HS3ST5: variants seen among roughly 807,000 people sequenced by gnomAD.
The protein encoded by HS3ST5 is heparan sulfate glucosamine 3-O-sulfotransferase 5.
HS3ST5 carries 10 observed loss-of-function variants against 25.4 expected under a neutral mutation model. That is an observed-to-expected ratio of 0.39 (90% CI 0.24 to 0.67). HS3ST5 has a LOEUF of 0.67. HS3ST5 is among the 30% of genes least tolerant of loss of function. The pLI, the probability that HS3ST5 is intolerant of heterozygous loss-of-function variation, is 0.44. For synonymous variants in HS3ST5, 170 were observed against 162.4 expected (o/e 1.05, Z -0.36); for missense variants, 324 against 420.7 (o/e 0.77, Z 2.01).
intron 2 of HS3ST5, among the ~76,000 whole-genome samples, chr6:114,202,497 G>A (rs1781073237): frequency 6.6e-6 from 1 of 152,124 alleles, no homozygotes; most frequent in Non-Finnish European, 1.5e-5. Context: ...AATAGTCAAT[G>A]AATATTTGAA....
intron 3 of HS3ST5, among the ~76,000 whole-genome samples, chr6:114,119,861 T>TAAAGC (rs983257657): frequency 3.3e-5 from 5 of 152,108 alleles, no homozygotes; most frequent in African/African-American, 4.8e-5. Context: ...AAATTTACAG[T>TAAAGC]AAAGCAAGAG....
At chr6:114,081,386 A>G (rs1339694597) in intron 3 of HS3ST5, among the ~76,000 whole-genome samples, 1 of 152,228 alleles carries the variant, frequency 6.6e-6, no homozygotes, top group Admixed American at 6.5e-5. Flanking sequence ...TCTGTGAAGC[A>G]GAATAAAGTG....
chr6:114,285,530 T>C (rs1774300990), intron 1 of HS3ST5, among the ~76,000 whole-genome samples: 2 of 152,054 alleles, frequency 1.3e-5, no homozygotes, highest in African/African-American at 4.8e-5. Flanking sequence ...TGTGTCAACA[T>C]GAATGAACCT....
chr6:114,260,718 G>A (rs1773133738), intron 1 of HS3ST5, among the ~76,000 whole-genome samples: 1 of 152,182 alleles, frequency 6.6e-6, no homozygotes, highest in African/African-American at 2.4e-5. Flanking sequence ...TAAATGCTAG[G>A]TTGACCTGAG....
intron 1 of HS3ST5, among the ~76,000 whole-genome samples, chr6:114,340,218 T>C (rs777282310): frequency 5.3e-5 from 8 of 152,344 alleles, no homozygotes; most frequent in Non-Finnish European, 1.0e-4. Context: ...AATTTAAGCA[T>C]GAGCTCTGGC....
chr6:114,288,500 G>GA (rs1343419746), intron 1 of HS3ST5, among the ~76,000 whole-genome samples: 1 of 151,980 alleles, frequency 6.6e-6, no homozygotes, highest in African/African-American at 2.4e-5. Context: ...TTTTTCTAAT[G>GA]AAAAAGGACA....
chr6:114,263,880 G>T (rs114629140), intron 1 of HS3ST5, among the ~76,000 whole-genome samples: 244 of 152,048 alleles, frequency 1.6e-3, no homozygotes, highest in African/African-American at 5.7e-3. Flanking sequence ...CATTTGCAAG[G>T]AGATAGTTTT....
intron 1 of HS3ST5, among the ~76,000 whole-genome samples, chr6:114,250,843 C>T (rs1772627297): frequency 6.6e-6 from 1 of 152,146 alleles, no homozygotes; most frequent in African/African-American, 2.4e-5. Context: ...TAGTCACTTG[C>T]TTATTAAAAA....
chr6:114,074,667 C>T (rs1187431071), intron 3 of HS3ST5, among the ~76,000 whole-genome samples: 1 of 152,048 alleles, frequency 6.6e-6, no homozygotes, highest in Non-Finnish European at 1.5e-5. Context: ...TTGCTTCTCC[C>T]TATACCCTGC....
chr6:114,235,072 G>A (rs1217694738), intron 1 of HS3ST5, among the ~76,000 whole-genome samples: 1 of 152,074 alleles, frequency 6.6e-6, no homozygotes, highest in Non-Finnish European at 1.5e-5. Flanking sequence ...GCAGTGAGCT[G>A]AGACTGTGCC....
intron 2 of HS3ST5, among the ~76,000 whole-genome samples, chr6:114,212,218 G>C (rs1781538364): frequency 1.3e-5 from 2 of 152,214 alleles, no homozygotes; most frequent in African/African-American, 4.8e-5. Context: ...GATACACAGA[G>C]CTTTCTTCAA....
intron 1 of HS3ST5, among the ~76,000 whole-genome samples, chr6:114,341,181 G>GGAGGGAGAGGGAGAGA (rs1776825119): frequency 8.5e-6 from 1 of 118,144 alleles, no homozygotes; most frequent in African/African-American, 3.5e-5. Flanking sequence ...GGAGGGAGAG[G>GGAGGGAGAGGGAGAGA]GAGAGGGAGA....
intron 1 of HS3ST5, among the ~76,000 whole-genome samples, chr6:114,250,512 C>G (rs1772607771): frequency 6.7e-6 from 1 of 149,884 alleles, no homozygotes; most frequent in Admixed American, 6.7e-5. Context: ...ACCTGGGAGG[C>G]AGAGCTTGCA....
intron 3 of HS3ST5, among the ~76,000 whole-genome samples, chr6:114,110,957 T>C (rs1021296780): frequency 2.0e-5 from 3 of 152,210 alleles, no homozygotes; most frequent in African/African-American, 7.2e-5. Flanking sequence ...GAAAATTACA[T>C]TTAATTAATT....
rs562745851 is a variant in HS3ST5, at chr6:114,136,549, T to C, written c.-33+31802A>G. Among the ~76,000 whole-genome samples the C allele has an allele frequency of 3.3e-5, 5 of 152,342 alleles. No individual in the cohort carries two copies. The South Asian group carries it at 1.0e-3, about 32-fold the overall frequency. On this transcript the variant is annotated intron_variant, in intron 3 of 4. Coordinates refer to ENST00000312719, the MANE Select transcript of HS3ST5 (RefSeq NM_153612.4). ...ACACCCTGTATCTCTCATAGCACCT[T>C]AGAAGTTAACATGTTTTTGTTGTAT...
At chr6:114,305,764 G>A (rs537284786) in intron 1 of HS3ST5, among the ~76,000 whole-genome samples, 5 of 152,028 alleles carry the variant, frequency 3.3e-5, no homozygotes, top group Non-Finnish European at 5.9e-5. Context: ...TTTGATTCAT[G>A]CTAAGGCACC....
At chr6:114,084,647 A>G (rs1011911698) in intron 3 of HS3ST5, 8 of 961,600 alleles carry the variant, frequency 8.3e-6, no homozygotes, top group Middle Eastern at 6.3e-4. Flanking sequence ...AGATGCCTTA[A>G]TGAGAGGCTG....
In HS3ST5 at chr6:114,057,667, C is replaced by T. The variant is rs1405787731; in HGVS notation, c.631G>A (p.Glu211Lys). 1 of 1,614,160 alleles carries T rather than the reference C, an allele frequency of 6.2e-7. No homozygotes were observed. The highest frequency in any genetic ancestry group is 8.5e-7 in the Non-Finnish European group (1 of 1,180,028). Reference protein sequence around the residue: ...ERKNKTYYKFEKLAIDPNTCE... With the variant: ...ERKNKTYYKFKKLAIDPNTCE... Reference sequence around the variant, plus strand: ...GTATTAGGGTCTATGGCCAGCTTCTCAAACTTGTAATAAGTTTTGTTCTTC... The same window carrying T: ...GTATTAGGGTCTATGGCCAGCTTCTTAAACTTGTAATAAGTTTTGTTCTTC... Residue 211 changes from glutamate (E) to lysine (K), a missense_variant, in exon 5 of 5, where the codon GAG becomes AAG. By Grantham distance (56) the Glu-to-Lys change is moderately conservative. This residue lies in a region of HS3ST5 where 203 missense variants were observed against 303.4 expected (regional missense o/e 0.67). Transcript: ENST00000312719.
intron 3 of HS3ST5, among the ~76,000 whole-genome samples, chr6:114,146,895 C>T (rs1337739490): frequency 6.6e-6 from 1 of 152,210 alleles, no homozygotes; most frequent in Non-Finnish European, 1.5e-5. Flanking sequence ...GCCTGCAGAA[C>T]TATGAGCCAT....
Sources: allele counts gnomAD v4.1 joint callset (sites outside exome capture counted in the v4.1 genomes callset), GRCh38; gene constraint gnomAD v4.1.1; regional missense constraint gnomAD v4.1.1; transcripts MANE v1.5; gene names NCBI Gene and HGNC (gene_info 2026-07-23, HGNC 2026-07-21).